The following SEPTIN12 variants were observed in gnomAD, a reference collection of about 807,000 sequenced individuals.
The protein encoded by SEPTIN12 is septin 12, also known as septin-12.
SEPTIN12 carries 42 observed loss-of-function variants against 37.7 expected under a neutral mutation model. The observed-to-expected ratio is 1.11, with a 90% CI of 0.87 to 1.44. The LOEUF (loss-of-function observed/expected upper bound fraction) is 1.44. SEPTIN12 is among the 40% of genes most tolerant of loss of function. The pLI, the probability that SEPTIN12 is intolerant of heterozygous loss-of-function variation, is 0.00. For missense variants in SEPTIN12, 613 were observed against 479.2 expected, an observed-to-expected ratio of 1.28 and a Z score of -2.61; for synonymous variants, 254 against 196.7, an observed-to-expected ratio of 1.29 and a Z score of -2.44.
At chr16:4,786,140 G>A (rs2082441118) in intron 2 of SEPTIN12, 35 bp from the exon 3 acceptor site, 16 of 1,524,990 alleles carry the variant, frequency 1.0e-5, no homozygotes, top group Admixed American at 2.2e-5. Flanking sequence ...CAGTTAGGGT[G>A]GGCGTTTTAG....
At chr16:4,787,898 G>C (rs2082485384) in intron 1 of SEPTIN12, 1 of 482,916 alleles carries the variant, frequency 2.1e-6, no homozygotes, top group African/African-American at 1.9e-5. Context: ...CGCTGCCCAA[G>C]GGTCTGCCCT....
At chr16:4,782,003 T>G (rs1457553521) in intron 7 of SEPTIN12, among the ~76,000 whole-genome samples, 1 of 130,298 alleles carries the variant, frequency 7.7e-6, no homozygotes, top group Non-Finnish European at 1.5e-5. Context: ...CAGGCTGGAG[T>G]GCAGTGTCAC....
chr16:4,786,305 G>T (rs2082443992), intron 2 of SEPTIN12, among the ~76,000 whole-genome samples, 200 bp from the exon 3 acceptor site: 1 of 150,666 alleles, frequency 6.6e-6, no homozygotes, highest in Non-Finnish European at 1.5e-5. Flanking sequence ...CTCCCTAGTA[G>T]CTGGGACTGT....
At chr16:4,786,867 T>A (rs1374902591) in intron 2 of SEPTIN12, among the ~76,000 whole-genome samples, 1 of 151,898 alleles carries the variant, frequency 6.6e-6, no homozygotes, top group Admixed American at 6.6e-5. Flanking sequence ...AGGCTGGTCA[T>A]GAACTCCTGG....
chr16:4,787,398 A>T (rs1361420626), intron 2 of SEPTIN12, 82 bp downstream of exon 2: 4 of 1,266,606 alleles, frequency 3.2e-6, no homozygotes, highest in East Asian at 4.6e-5. Context: ...GAGGGGCGAC[A>T]GGCTGCCAAA....
chr16:4,777,878 CG>C lies in SEPTIN12; in HGVS notation c.995del (p.Pro332ArgfsTer7). On this transcript the variant is annotated frameshift_variant, in exon 10 of 10. Coordinates refer to ENST00000268231, the MANE Select transcript of SEPTIN12 (RefSeq NM_144605.5). LOFTEE classifies it low-confidence loss of function (END_TRUNC). ...GGGTGGTCAGCTGTCCTGGGGAGGC[CG>C]GGGCCAGGTTCACCCAGCCGGGCCC... is the stretch of plus-strand genomic sequence containing the variant. ...PRGPGWVNLAPASPGQLTTPR... is the reference protein window; with the variant it reads ...PRGPGWVNLAXASPGQLTTPR... The C allele has an allele frequency of 6.3e-7, 1 of 1,597,330 alleles. No individual in the cohort carries two copies. Among genetic ancestry groups the C allele is most frequent in the Non-Finnish European group, 8.5e-7 (1 of 1,172,748 alleles).
intron 7 of SEPTIN12, among the ~76,000 whole-genome samples, chr16:4,781,968 T>TTTTTTTA (rs71139658): frequency 7.3e-6 from 1 of 137,482 alleles, no homozygotes; most frequent in African/African-American, 2.7e-5. Flanking sequence ...TTTTTTTTTT[T>TTTTTTTA]GAGACAGGGT....
Position 4,785,842 on chromosome 16 carries a change from C to T in SEPTIN12, c.339G>A (p.Thr113=), listed in dbSNP as rs944969696. 8.7e-6 allele frequency: 14 copies of T among 1,606,774 alleles called. No homozygotes were observed. Among genetic ancestry groups the T allele is most frequent in the African/African-American group, 1.3e-5 (1 of 74,078 alleles). ...GVKLKLTVTD[T]PGFGDQINND... ...TGTTGATCTGGTCCCCGAAGCCGGG[C>T]GTGTCCGTCACCGTCAGCTTCAGCT... Residue 113 remains threonine, a synonymous_variant, in exon 4 of 10, where the codon ACG becomes ACA. Transcript: ENST00000268231.
At chr16:4,782,721 A>G (rs2082385407) in intron 7 of SEPTIN12, among the ~76,000 whole-genome samples, 2 of 151,224 alleles carry the variant, frequency 1.3e-5, no homozygotes, top group South Asian at 2.1e-4. Flanking sequence ...CTCCTGCCTC[A>G]GCCTCCTGAG....
Position 4,783,935 on chromosome 16 carries a change from G to GC in SEPTIN12, c.507dup (p.His170AlafsTer9). 6.2e-7 allele frequency: 1 copy of GC among 1,614,138 alleles called. No homozygotes were observed. The highest frequency in any genetic ancestry group is 8.5e-7 in the Non-Finnish European group (1 of 1,179,988). On this transcript the variant is annotated frameshift_variant, in exon 5 of 10. Transcript: ENST00000268231. LOFTEE classifies it high-confidence loss of function. ...TTGCAGGTGCAGCCCCCTCACCAGTGCCCAGTGGGTGGTACAAAGTACACG... is the reference window on the plus strand; with the variant it reads ...TTGCAGGTGCAGCCCCCTCACCAGTGCCCCAGTGGGTGGTACAAAGTACACG...
rs1336086323 is a variant in SEPTIN12, at chr16:4,777,707, C to T, written c.*90G>A. 2.1e-6 allele frequency: 2 copies of T among 972,580 alleles called. No individual in the cohort carries two copies. Among genetic ancestry groups the T allele is most frequent in the Non-Finnish European group, 1.5e-6 (1 of 669,066 alleles). 60.2% of individuals were successfully genotyped at this position (972,580 alleles called of 1,614,324 possible). A position where few individuals can be genotyped will look rare whatever the true frequency, so the allele number is the denominator to read the frequency against. ...GCACAGCTTTTCATAAAAAGCAAGGCTCACATTTAATAGATGCTCTGGTAC... is the reference window on the plus strand; with the variant it reads ...GCACAGCTTTTCATAAAAAGCAAGGTTCACATTTAATAGATGCTCTGGTAC... On this transcript the variant is annotated 3_prime_UTR_variant, in exon 10 of 10. Coordinates refer to ENST00000268231, the MANE Select transcript of SEPTIN12 (RefSeq NM_144605.5).
intron 7 of SEPTIN12, chr16:4,783,203 C>A: frequency 2.1e-6 from 1 of 476,904 alleles, no homozygotes; most frequent in Non-Finnish European, 3.8e-6. Flanking sequence ...GCCACTGTGC[C>A]CGGCCCAATG....
chr16:4,778,871 G>A (rs2082342217), intron 8 of SEPTIN12, among the ~76,000 whole-genome samples: 1 of 151,634 alleles, frequency 6.6e-6, no homozygotes, highest in Admixed American at 6.6e-5. Flanking sequence ...CGGGCGCGGT[G>A]GCACACGCCT....
In SEPTIN12 at chr16:4,779,718, G is replaced by A. The variant is rs757906213; in HGVS notation, c.795C>T (p.Gly265=). The change falls in exon 8 of 10, where the codon GGC becomes GGT. Residue 265 remains glycine (G), a synonymous_variant. Coordinates refer to ENST00000268231, the MANE Select transcript of SEPTIN12 (RefSeq NM_144605.5). ...CAATGATGCCCCACTTGGTCTTCCG[G>A]CCCAGGACACACCTCCCGTTCACCA... ...EHLVNGRCVL[G]RKTKWGIIEV... is the part of the protein sequence containing the mutation. 1.9e-6 allele frequency: 3 copies of A among 1,613,324 alleles called. No homozygotes were observed. The South Asian group carries it at 3.3e-5, about 18-fold the overall frequency.
rs1252793489 is a variant in SEPTIN12 at position 4,785,806 on chromosome 16, C to T, written c.374+1G>A. The T allele has an allele frequency of 6.3e-7, 1 of 1,596,710 alleles. No individual in the cohort carries two copies. Among genetic ancestry groups the T allele is most frequent in the Non-Finnish European group, 8.6e-7 (1 of 1,165,418 alleles). On this transcript the variant is annotated splice_donor_variant, in intron 4 of 9. Coordinates refer to ENST00000268231, the MANE Select transcript of SEPTIN12 (RefSeq NM_144605.5). LOFTEE classifies it high-confidence loss of function. ...AAAAAAAAAAAAGAGAGAGAACCTA[C>T]CAGTTGTCATTGTTGATCTGGTCCC...
intron 6 of SEPTIN12, 30 bp downstream of exon 6, chr16:4,783,619 A>C (rs2082398118): frequency 1.2e-6 from 2 of 1,611,284 alleles, no homozygotes; most frequent in African/African-American, 1.3e-5. Context: ...GCCCCCGCTG[A>C]CCCCAGCCCT....
chr16:4,791,097 T>C (rs906645078), upstream of SEPTIN12, among the ~76,000 whole-genome samples: 7 of 152,210 alleles, frequency 4.6e-5, no homozygotes, highest in Non-Finnish European at 1.0e-4. Context: ...GAAATGCGCC[T>C]CTGTGCAGAG....
chr16:4,782,045 G>A (rs578022600), intron 7 of SEPTIN12, among the ~76,000 whole-genome samples: 152 of 143,324 alleles, frequency 1.1e-3, no homozygotes, highest in African/African-American at 4.0e-3. Flanking sequence ...TCACCTTCCA[G>A]GTTCAAGCAA....
chr16:4,779,823 C>T (rs949364235), intron 7 of SEPTIN12, 37 bp from the exon 8 acceptor site: 9 of 1,416,760 alleles, frequency 6.4e-6, no homozygotes, highest in Non-Finnish European at 9.0e-6. Context: ...GGAGGATTGA[C>T]TTCGCTGGGG....
Sources: allele counts gnomAD v4.1 joint callset (sites outside exome capture counted in the v4.1 genomes callset), GRCh38; gene constraint gnomAD v4.1.1; transcripts MANE v1.5; gene names NCBI Gene and HGNC (gene_info 2026-07-23, HGNC 2026-07-21).